ZNF438: variants seen among roughly 807,000 people sequenced by gnomAD.
ZNF438 encodes zinc finger protein 438.
A neutral mutation model predicts 38.0 loss-of-function variants in ZNF438; 25 were observed. The observed-to-expected ratio is 0.66, with a 90% CI of 0.48 to 0.92. ZNF438 has a LOEUF of 0.92. Among genes scored for constraint, ZNF438 ranks in the 40% least tolerant of loss-of-function variants. The pLI, the probability that ZNF438 is intolerant of heterozygous loss-of-function variation, is 0.00. For missense variants in ZNF438, 1,007 were observed against 999.6 expected, an observed-to-expected ratio of 1.01 and a Z score of -0.10; for synonymous variants, 372 against 364.1, an observed-to-expected ratio of 1.02 and a Z score of -0.25.
At chr10:30,879,862 A>G (rs2038970297) in intron 3 of ZNF438, among the ~76,000 whole-genome samples, 1 of 152,156 alleles carries the variant, frequency 6.6e-6, no homozygotes, top group Non-Finnish European at 1.5e-5. Flanking sequence ...TTAACATACC[A>G]GTATTTGAAG....
intron 1 of ZNF438, among the ~76,000 whole-genome samples, chr10:30,974,114 T>G (rs151185976): frequency 6.6e-6 from 1 of 152,240 alleles, no homozygotes; most frequent in Non-Finnish European, 1.5e-5. Context: ...CATATCCCAG[T>G]GGAAAAGGTG....
chr10:30,988,812 A>C (rs966842504), intron 1 of ZNF438, among the ~76,000 whole-genome samples: 1 of 152,216 alleles, frequency 6.6e-6, no homozygotes, highest in Non-Finnish European at 1.5e-5. Context: ...TTTTGGCAAT[A>C]AACAGTTAAC....
At chr10:31,019,937 G>C (rs1011681144) in intron 1 of ZNF438, among the ~76,000 whole-genome samples, 2 of 152,070 alleles carry the variant, frequency 1.3e-5, no homozygotes, top group African/African-American at 4.8e-5. Flanking sequence ...ATTAAAATTT[G>C]AGCTACCATT....
chr10:30,844,776 A>G (rs2031477002), exon 6 of ZNF438: 2 of 733,660 alleles, frequency 2.7e-6, no homozygotes, highest in Non-Finnish European at 4.4e-6. Flanking sequence ...ATAGTTAGAA[A>G]AATATGCTTC....
At chr10:30,983,693 T>C (rs1564793280) in intron 1 of ZNF438, among the ~76,000 whole-genome samples, 1 of 152,236 alleles carries the variant, frequency 6.6e-6, no homozygotes, top group Non-Finnish European at 1.5e-5. Context: ...CCTTGAATCG[T>C]TTTTATGTAA....
chr10:30,991,421 A>G (rs1010864395), intron 1 of ZNF438, among the ~76,000 whole-genome samples: 2 of 152,204 alleles, frequency 1.3e-5, no homozygotes, highest in Non-Finnish European at 2.9e-5. Context: ...TCACTCCTGG[A>G]TCAACTTGCT....
intron 4 of ZNF438, chr10:30,857,746 T>C (rs1253714664): frequency 4.8e-6 from 7 of 1,465,664 alleles, no homozygotes; most frequent in Admixed American, 2.1e-5. Context: ...ACGTGTGTCC[T>C]CCTCCTCCTC....
Position 30,982,188 on chromosome 10 carries a change from G to A in ZNF438, c.-191-40537C>T, listed in dbSNP as rs944515100. 3.0e-4 allele frequency among the ~76,000 whole-genome samples: 45 copies of A among 150,068 alleles called. 1 individual carries two copies. Among genetic ancestry groups the A allele is most frequent in the African/African-American group, 1.0e-3 (42 of 40,702 alleles). ...GCGATCTCGGCTCACTGCGAACTCC[G>A]CCTCCCGGGTTCACACCATTCTCCT... On this transcript the variant is annotated intron_variant, in intron 1 of 5. Coordinates refer to ENST00000413025, the Ensembl canonical transcript of ZNF438.
chr10:31,006,414 T>C (rs180800793), intron 1 of ZNF438, among the ~76,000 whole-genome samples: 19 of 152,264 alleles, frequency 1.2e-4, no homozygotes, highest in Admixed American at 1.1e-3. Context: ...GCTGAACACA[T>C]GGAGGTTCGC....
chr10:31,006,220 C>T (rs965265574), intron 1 of ZNF438, among the ~76,000 whole-genome samples: 9 of 152,110 alleles, frequency 5.9e-5, no homozygotes, highest in Admixed American at 1.3e-4. Context: ...GGAGGCTGGA[C>T]ACTAGAAAGA....
At chr10:30,949,360 A>T (rs1401675860) in intron 1 of ZNF438, among the ~76,000 whole-genome samples, 1 of 152,218 alleles carries the variant, frequency 6.6e-6, no homozygotes, top group African/African-American at 2.4e-5. Flanking sequence ...CAAAATAACC[A>T]GCTAACATCA....
intron 2 of ZNF438, among the ~76,000 whole-genome samples, chr10:30,924,473 T>G (rs1452820971): frequency 6.6e-6 from 1 of 152,218 alleles, no homozygotes; most frequent in African/African-American, 2.4e-5. Context: ...GAGATTCAGT[T>G]CTTTGATACT....
intron 3 of ZNF438, among the ~76,000 whole-genome samples, chr10:30,892,406 T>C: frequency 6.6e-6 from 1 of 152,218 alleles, no homozygotes; most frequent in South Asian, 2.1e-4. Flanking sequence ...ATGTGGTCTC[T>C]ATCAAAACTC....
intron 4 of ZNF438, among the ~76,000 whole-genome samples, chr10:30,854,609 TTC>T (rs1161895996): frequency 6.6e-6 from 1 of 152,214 alleles, no homozygotes; most frequent in African/African-American, 2.4e-5. Context: ...CAGAGGATAT[TTC>T]TCTGAGACAT....
chr10:30,960,751 C>G (rs1204247864), intron 1 of ZNF438, among the ~76,000 whole-genome samples: 2 of 146,682 alleles, frequency 1.4e-5, no homozygotes, highest in Admixed American at 6.9e-5. Flanking sequence ...TCCCACTGTA[C>G]TAAGTGTACT....
chr10:31,026,379 TAAAC>T (rs2056941859), intron 1 of ZNF438, among the ~76,000 whole-genome samples: 1 of 112,260 alleles, frequency 8.9e-6, no homozygotes, highest in Admixed American at 9.2e-5. Context: ...ACAAAGAACT[TAAAC>T]AAATTTACAA....
intron 1 of ZNF438, among the ~76,000 whole-genome samples, chr10:31,025,327 A>T (rs1220746583): frequency 2.0e-5 from 3 of 152,226 alleles, no homozygotes; most frequent in Non-Finnish European, 4.4e-5. Context: ...GACATGCTAT[A>T]ATGGCCTCAA....
chr10:31,005,800 T>C (rs2055074443), intron 1 of ZNF438, among the ~76,000 whole-genome samples: 1 of 152,236 alleles, frequency 6.6e-6, no homozygotes, highest in South Asian at 2.1e-4. Context: ...ATGCTCATCA[T>C]CCTATTTACT....
intron 3 of ZNF438, among the ~76,000 whole-genome samples, chr10:30,892,799 T>C (rs550066067): frequency 9.8e-5 from 15 of 152,360 alleles, no homozygotes; most frequent in African/African-American, 3.6e-4. Context: ...AAGCAGATTA[T>C]ACATGCTGTT....
Sources: gnomAD v4.1 joint callset for allele counts (sites outside exome capture counted in the v4.1 genomes callset) on GRCh38, gnomAD v4.1.1 for gene constraint, MANE v1.5 for transcripts, NCBI Gene and HGNC (gene_info 2026-07-23, HGNC 2026-07-21) for gene names.